PXDNL: variants seen among roughly 807,000 people sequenced by gnomAD.
PXDNL encodes the protein probable oxidoreductase PXDNL.
In PXDNL, 145 loss-of-function variants were observed where a neutral mutation model predicts 150.8. That is an observed-to-expected ratio of 0.96 (90% CI 0.84 to 1.10). The LOEUF (loss-of-function observed/expected upper bound fraction) is 1.10. PXDNL is among the 50% of genes least tolerant of loss of function. The probability of loss-of-function intolerance (pLI) is 0.00; values close to 1 mark genes in which losing one functional copy is unlikely to be tolerated. For synonymous variants in PXDNL, 757 were observed against 725.7 expected, an observed-to-expected ratio of 1.04 and a Z score of -0.69; for missense variants, 2,087 against 1,873.9, an observed-to-expected ratio of 1.11 and a Z score of -2.10.
At chr8:51,383,733 T>G (rs1807614763) in intron 17 of PXDNL, among the ~76,000 whole-genome samples, 1 of 152,212 alleles carries the variant, frequency 6.6e-6, no homozygotes, top group African/African-American at 2.4e-5. Context: ...GGTATTTTGA[T>G]ATACAGAGAG....
At chr8:51,689,856 T>C (rs1308712700) in intron 1 of PXDNL, among the ~76,000 whole-genome samples, 1 of 152,212 alleles carries the variant, frequency 6.6e-6, no homozygotes, top group Non-Finnish European at 1.5e-5. Context: ...AGATTTAGCT[T>C]TTAACATCTC....
At chr8:51,479,023 G>C (rs1315899014) in intron 6 of PXDNL, among the ~76,000 whole-genome samples, 1 of 152,148 alleles carries the variant, frequency 6.6e-6, no homozygotes, top group East Asian at 1.9e-4. Context: ...ATGCATGTAA[G>C]GTGCATACTG....
intron 1 of PXDNL, among the ~76,000 whole-genome samples, chr8:51,690,208 TGTGCAC>T (rs1815961079): frequency 6.6e-6 from 1 of 152,198 alleles, no homozygotes. Context: ...TTAGGGTACA[TGTGCAC>T]AATGTGCAGG....
intron 1 of PXDNL, among the ~76,000 whole-genome samples, chr8:51,714,776 T>C (rs1816574767): frequency 6.6e-6 from 1 of 152,260 alleles, no homozygotes; most frequent in Non-Finnish European, 1.5e-5. Context: ...GAAATACCTT[T>C]CCATTCAGAC....
chr8:51,389,119 G>A (rs911564026), intron 17 of PXDNL, among the ~76,000 whole-genome samples: 1 of 152,136 alleles, frequency 6.6e-6, no homozygotes, highest in East Asian at 1.9e-4. Context: ...TTGCATGTGT[G>A]AGAAGGAGAG....
chr8:51,577,923 AAAAGAAAG>A (rs1234489822), intron 3 of PXDNL, among the ~76,000 whole-genome samples: 905 of 42,310 alleles, frequency 0.021, 54 homozygotes, highest in South Asian at 0.029. Flanking sequence ...GAAAAGAAAG[AAAAGAAAG>A]AAAGAAAGAA....
chr8:51,680,767 C>T (rs973831913), intron 1 of PXDNL, among the ~76,000 whole-genome samples: 6 of 152,134 alleles, frequency 3.9e-5, no homozygotes, highest in African/African-American at 1.4e-4. Context: ...AGGTTTTTAG[C>T]GTCCCTGTGC....
intron 4 of PXDNL, among the ~76,000 whole-genome samples, chr8:51,520,113 G>A (rs533366314): frequency 2.0e-5 from 3 of 152,130 alleles, no homozygotes; most frequent in South Asian, 4.1e-4. Context: ...GAATGCCGGG[G>A]AATCTGTGGG....
At chr8:51,529,978 T>C (rs1811859473) in intron 4 of PXDNL, among the ~76,000 whole-genome samples, 1 of 152,120 alleles carries the variant, frequency 6.6e-6, no homozygotes, top group Non-Finnish European at 1.5e-5. Context: ...TCAGCATTGT[T>C]AAATGATCCC....
At chr8:51,617,144 C>G (rs1489053618) in intron 2 of PXDNL, among the ~76,000 whole-genome samples, 1 of 152,148 alleles carries the variant, frequency 6.6e-6, no homozygotes, top group Non-Finnish European at 1.5e-5. Context: ...ATGAAAAACA[C>G]AATTCGCCAA....
chr8:51,632,208 C>G (rs974549721), intron 2 of PXDNL, among the ~76,000 whole-genome samples: 2 of 152,148 alleles, frequency 1.3e-5, no homozygotes, highest in African/African-American at 4.8e-5. Context: ...CAATACCCTA[C>G]TTTTAATAAT....
chr8:51,761,959 T>TA (rs1236944618), intron 1 of PXDNL, among the ~76,000 whole-genome samples: 1 of 152,144 alleles, frequency 6.6e-6, no homozygotes, highest in Non-Finnish European at 1.5e-5. Flanking sequence ...TACAGAATCT[T>TA]AGAGTGTAGG....
chr8:51,335,118 AT>A (rs1051367697), intron 21 of PXDNL, among the ~76,000 whole-genome samples: 14 of 152,212 alleles, frequency 9.2e-5, no homozygotes, highest in East Asian at 3.9e-4. Flanking sequence ...TAATGTATGC[AT>A]TTTTTTCCAG....
intron 14 of PXDNL, among the ~76,000 whole-genome samples, chr8:51,417,540 A>G (rs1039057352): frequency 6.6e-6 from 1 of 152,192 alleles, no homozygotes; most frequent in African/African-American, 2.4e-5. Context: ...CACCCTTGCT[A>G]AAAAATGCCT....
intron 1 of PXDNL, among the ~76,000 whole-genome samples, chr8:51,720,465 T>A (rs2130915039): frequency 6.6e-6 from 1 of 152,320 alleles, no homozygotes; most frequent in Non-Finnish European, 1.5e-5. Context: ...AATTGTGGTG[T>A]TATTTATATG....
At chr8:51,429,680 T>C (rs1178388944) in intron 12 of PXDNL, among the ~76,000 whole-genome samples, 2 of 146,394 alleles carry the variant, frequency 1.4e-5, no homozygotes, top group African/African-American at 5.2e-5. Context: ...TGTTCTTTTT[T>C]TCCTTTCTTT....
chr8:51,594,551 CA>C (rs1306331862), intron 2 of PXDNL, among the ~76,000 whole-genome samples: 1 of 152,148 alleles, frequency 6.6e-6, no homozygotes, highest in Non-Finnish European at 1.5e-5. Flanking sequence ...CATAAGATTT[CA>C]AAAAAATTAC....
chr8:51,343,578 G>A (rs1026751264), intron 20 of PXDNL, among the ~76,000 whole-genome samples: 24 of 152,186 alleles, frequency 1.6e-4, no homozygotes, highest in African/African-American at 4.8e-4. Context: ...TAAGTGTTTC[G>A]GTAATAAGTT....
chr8:51,648,608 C>A (rs888894515), intron 2 of PXDNL, among the ~76,000 whole-genome samples: 3 of 152,090 alleles, frequency 2.0e-5, no homozygotes, highest in African/African-American at 7.2e-5. Context: ...TTTAAGACAC[C>A]AAGGCTTTGG....
Sources: gnomAD v4.1 joint callset for allele counts (sites outside exome capture counted in the v4.1 genomes callset) on GRCh38, gnomAD v4.1.1 for gene constraint, MANE v1.5 for transcripts, NCBI Gene and HGNC (gene_info 2026-07-23, HGNC 2026-07-21) for gene names.